Variants in TNIK observed in about 807,000 individuals in gnomAD.
TNIK encodes the protein TRAF2 and NCK-interacting protein kinase.
In TNIK, 49 loss-of-function variants were observed where a neutral mutation model predicts 191.3. The observed-to-expected ratio is 0.26, with a 90% CI of 0.20 to 0.32. TNIK has a LOEUF of 0.32. Among genes scored for constraint, TNIK ranks in the 10% least tolerant of loss-of-function variants. The probability of loss-of-function intolerance (pLI) is 1.00; values close to 1 mark genes in which losing one functional copy is unlikely to be tolerated. For missense variants in TNIK, 1,155 were observed against 1,702.3 expected (o/e 0.68, Z 5.66); for synonymous variants, 594 against 600.9 (o/e 0.99, Z 0.17).
chr3:171,165,883 T>C (rs1357589102), intron 10 of TNIK, among the ~76,000 whole-genome samples: 1 of 152,196 alleles, frequency 6.6e-6, no homozygotes, highest in African/African-American at 2.4e-5. Context: ...GTCCTCTCCA[T>C]TTCTCTCTTC....
rs778109584 is a variant in TNIK, at chr3:171,175,334, C to T, written c.695-4G>A. On this transcript the variant is annotated splice_region_variant and splice_polypyrimidine_tract_variant and intron_variant, in intron 8 of 32. Coordinates refer to ENST00000436636, the MANE Select transcript of TNIK (RefSeq NM_015028.4). The stretch of plus-strand genomic sequence containing the variant: ...ATGGGGTGCATGTCACAGAGAGCTG[C>T]AAGAGACCAAAACAAGGGCCAGCTA... 3 of 1,606,234 alleles carry T rather than the reference C, an allele frequency of 1.9e-6. No individual in the cohort carries two copies. The highest frequency in any genetic ancestry group is 2.7e-5 in the African/African-American group (2 of 74,700).
At chr3:171,243,026 G>C (rs1342563088) in intron 2 of TNIK, among the ~76,000 whole-genome samples, 1 of 152,162 alleles carries the variant, frequency 6.6e-6, no homozygotes, top group Non-Finnish European at 1.5e-5. Flanking sequence ...TTTAGAATTT[G>C]ATCAGTTTTC....
intron 1 of TNIK, among the ~76,000 whole-genome samples, chr3:171,448,294 C>T (rs1422754339): frequency 6.6e-6 from 1 of 152,154 alleles, no homozygotes; most frequent in Non-Finnish European, 1.5e-5. Context: ...TCACTCCCTG[C>T]CAGCAAGCAT....
intron 1 of TNIK, among the ~76,000 whole-genome samples, chr3:171,447,902 C>G (rs147235279): frequency 0.035 from 5,289 of 152,158 alleles, 322 homozygotes; most frequent in African/African-American, 0.12. Flanking sequence ...AAATGCTAAG[C>G]AGTCTAAAAA....
At chr3:171,388,439 G>C (rs1027841590) in intron 1 of TNIK, among the ~76,000 whole-genome samples, 1 of 152,216 alleles carries the variant, frequency 6.6e-6, no homozygotes, top group South Asian at 2.1e-4. Flanking sequence ...AAGATGCAAA[G>C]AGCACTGGTC....
chr3:171,161,377 T>C, intron 10 of TNIK, 41 bp from the exon 11 acceptor site: 1 of 1,591,818 alleles, frequency 6.3e-7, no homozygotes, highest in Non-Finnish European at 8.6e-7. Flanking sequence ...AAAAAGATGC[T>C]ATGGCTCAGT....
chr3:171,120,342 A>T (rs1375227080), intron 18 of TNIK, among the ~76,000 whole-genome samples: 35 of 123,160 alleles, frequency 2.8e-4, no homozygotes, highest in Admixed American at 2.8e-3. Flanking sequence ...TTTTTTTGAG[A>T]TGGAGTCTTG....
chr3:171,390,340 A>G (rs534285652), intron 1 of TNIK, among the ~76,000 whole-genome samples: 230 of 152,330 alleles, frequency 1.5e-3, no homozygotes, highest in African/African-American at 5.2e-3. Flanking sequence ...CCGTGTTTGA[A>G]TGCAGCACAA....
rs140958632 is a variant in TNIK, at chr3:171,237,552, T to C, written c.124-9331A>G. On this transcript the variant is annotated intron_variant, in intron 2 of 32. Coordinates refer to ENST00000436636, the MANE Select transcript of TNIK (RefSeq NM_015028.4). ...AGCACTCCCAGCCAAATGTCTCCTCTGTAAGAATGTGTATGTTTATTATAC... is the reference window on the plus strand; with the variant it reads ...AGCACTCCCAGCCAAATGTCTCCTCCGTAAGAATGTGTATGTTTATTATAC... 1.0e-3 allele frequency among the ~76,000 whole-genome samples: 157 copies of C among 151,932 alleles called. 1 individual carries two copies. Among genetic ancestry groups the C allele is most frequent in the African/African-American group, 3.6e-3 (150 of 41,454 alleles).
chr3:171,108,703 G>C (rs755607208), intron 19 of TNIK, among the ~76,000 whole-genome samples: 1 of 152,052 alleles, frequency 6.6e-6, no homozygotes, highest in Non-Finnish European at 1.5e-5. Flanking sequence ...TTGAAATTTT[G>C]TGAGGGAAAA....
At chr3:171,309,531 C>T (rs888816244) in intron 2 of TNIK, among the ~76,000 whole-genome samples, 2 of 152,090 alleles carry the variant, frequency 1.3e-5, no homozygotes, top group Admixed American at 6.6e-5. Flanking sequence ...AACAAACTTG[C>T]ACGTGCACCC....
intron 2 of TNIK, among the ~76,000 whole-genome samples, chr3:171,327,900 T>TAAAAAAAAAAAGAAAAAAAAAAAAAAAA (rs1755965994): frequency 1.3e-5 from 1 of 79,622 alleles, no homozygotes; most frequent in Non-Finnish European, 2.6e-5. Flanking sequence ...ACCTGGCTCA[T>TAAAAAAAAAAAGAAAAAAAAAAAAAAAA]AAAAAAAAAA....
In TNIK at chr3:171,108,071, T is replaced by A; in HGVS notation, c.2376A>T (p.Arg792=). 6.4e-7 allele frequency: 1 copy of A among 1,562,998 alleles called. No homozygotes were observed. Among genetic ancestry groups the A allele is most frequent in the East Asian group, 2.4e-5 (1 of 42,090 alleles). Residue 792 remains arginine (R), a synonymous_variant, in exon 20 of 33, where the codon CGA becomes CGT. Transcript: ENST00000436636. ...EESRDITRPS[R]PASYKKAIDE... ...TGGAGAGAAAAGCACTCACAGCTGG[T>A]CGACTGGGCCGGGTAATGTCCCTGG...
intron 3 of TNIK, among the ~76,000 whole-genome samples, chr3:171,213,397 A>G (rs1161706700): frequency 6.6e-6 from 1 of 152,070 alleles, no homozygotes; most frequent in African/African-American, 2.4e-5. Context: ...GACACGGATC[A>G]CTTTCCAACT....
At chr3:171,249,676 A>T (rs1008043325) in intron 2 of TNIK, among the ~76,000 whole-genome samples, 1 of 152,234 alleles carries the variant, frequency 6.6e-6, no homozygotes, top group Non-Finnish European at 1.5e-5. Flanking sequence ...GCTGCCTATG[A>T]TATTAGCTAT....
intron 1 of TNIK, among the ~76,000 whole-genome samples, chr3:171,457,938 G>C (rs1005290600): frequency 6.6e-6 from 1 of 152,202 alleles, no homozygotes; most frequent in Non-Finnish European, 1.5e-5. Context: ...CGCCCAGTGG[G>C]CCCTCACCGG....
chr3:171,206,771 C>T (rs1042719091), intron 4 of TNIK, among the ~76,000 whole-genome samples: 1 of 152,128 alleles, frequency 6.6e-6, no homozygotes, highest in African/African-American at 2.4e-5. Context: ...CAACTTAAAA[C>T]ATCTCAGGAT....
chr3:171,147,686 C>G (rs1266581906), intron 12 of TNIK, among the ~76,000 whole-genome samples: 1 of 152,112 alleles, frequency 6.6e-6, no homozygotes, highest in Non-Finnish European at 1.5e-5. Context: ...AAGCACTGTA[C>G]TCATATTAAC....
intron 2 of TNIK, among the ~76,000 whole-genome samples, chr3:171,272,410 AG>A (rs1004038172): frequency 6.6e-6 from 1 of 152,240 alleles, no homozygotes; most frequent in African/African-American, 2.4e-5. Context: ...TGAATTGCTA[AG>A]GGGTCTTTCC....
Sources: gnomAD v4.1 joint callset for allele counts (sites outside exome capture counted in the v4.1 genomes callset) on GRCh38, gnomAD v4.1.1 for gene constraint, MANE v1.5 for transcripts, NCBI Gene and HGNC (gene_info 2026-07-23, HGNC 2026-07-21) for gene names.